ATP9B: variants seen among roughly 807,000 people sequenced by gnomAD.
ATP9B encodes probable phospholipid-transporting ATPase IIB.
ATP9B carries 110 observed loss-of-function variants against 146.1 expected under a neutral mutation model. That is an observed-to-expected ratio of 0.75 (90% CI 0.65 to 0.88). The LOEUF is 0.88. Among genes scored for constraint, ATP9B ranks in the 40% least tolerant of loss-of-function variants. The probability of loss-of-function intolerance (pLI) is 0.00; values close to 1 mark genes in which losing one functional copy is unlikely to be tolerated. For missense variants in ATP9B, 1,499 were observed against 1,496.4 expected, an observed-to-expected ratio of 1.00 and a Z score of -0.03; for synonymous variants, 604 against 569.7, an observed-to-expected ratio of 1.06 and a Z score of -0.86.
At chr18:79,362,959 A>G (rs892240706) in intron 26 of ATP9B, 2 of 152,230 alleles carry the variant, frequency 1.3e-5, no homozygotes, top group East Asian at 1.9e-4. Context: ...TTTGAAATGT[A>G]TATTTGTATA....
chr18:79,134,063 A>G (rs1172606460), intron 5 of ATP9B, among the ~76,000 whole-genome samples: 1 of 152,232 alleles, frequency 6.6e-6, no homozygotes, highest in Non-Finnish European at 1.5e-5. Flanking sequence ...CTTGAGTCGC[A>G]TGTGACTCTC....
At chr18:79,322,483 G>C (rs1393962672) in intron 15 of ATP9B, among the ~76,000 whole-genome samples, 2 of 152,180 alleles carry the variant, frequency 1.3e-5, no homozygotes, top group South Asian at 2.1e-4. Context: ...AGAGGGTTCT[G>C]ACCCGGATTC....
intron 1 of ATP9B, among the ~76,000 whole-genome samples, chr18:79,093,219 A>G (rs929837920): frequency 6.6e-6 from 1 of 152,076 alleles, no homozygotes; most frequent in African/African-American, 2.4e-5. Context: ...TTTACTTTTA[A>G]TCTTTTAAAG....
At position 79,088,659 on chromosome 18, in the gene ATP9B, C is replaced by T. The variant is rs115566812; in HGVS notation, c.120-7817C>T. ...GAAGTGACTGCCATTTCTCCTAACA[C>T]ATTTACTTTCAACAAAGGTCTTCTT... On this transcript the variant is annotated intron_variant, in intron 1 of 29. Coordinates refer to ENST00000426216, the MANE Select transcript of ATP9B (RefSeq NM_198531.5). Among the ~76,000 whole-genome samples the T allele has an allele frequency of 6.7e-3, 1,014 of 152,286 alleles. 11 individuals carry two copies. The highest frequency in any genetic ancestry group is 0.023 in the African/African-American group (972 of 41,554).
intron 6 of ATP9B, among the ~76,000 whole-genome samples, chr18:79,151,385 G>C (rs148366198): frequency 2.0e-5 from 3 of 152,244 alleles, no homozygotes; most frequent in Admixed American, 2.0e-4. Flanking sequence ...GTTGTTGTGT[G>C]GTTGTTACCC....
At chr18:79,220,282 T>C (rs1312340632) in intron 11 of ATP9B, among the ~76,000 whole-genome samples, 1 of 152,210 alleles carries the variant, frequency 6.6e-6, no homozygotes, top group Admixed American at 6.5e-5. Context: ...TTATATAATA[T>C]TTTGGAGAGC....
At chr18:79,163,866 TTA>T (rs1185629627) in intron 7 of ATP9B, among the ~76,000 whole-genome samples, 2 of 78,644 alleles carry the variant, frequency 2.5e-5, no homozygotes, top group Non-Finnish European at 4.6e-5. Context: ...ATATTTTATT[TTA>T]TACACACACA....
chr18:79,367,776 A>G (rs2097043278), intron 26 of ATP9B, among the ~76,000 whole-genome samples: 1 of 152,250 alleles, frequency 6.6e-6, no homozygotes. Context: ...TGTCTCCTCA[A>G]CAAATCCTCC....
chr18:79,332,966 C>G (rs1013142916), intron 17 of ATP9B: 2 of 152,248 alleles, frequency 1.3e-5, no homozygotes, highest in Admixed American at 1.3e-4. Context: ...CAAATACAAT[C>G]AACTGGATGA....
chr18:79,136,923 T>G (rs546755136), intron 5 of ATP9B, among the ~76,000 whole-genome samples: 4 of 152,250 alleles, frequency 2.6e-5, no homozygotes, highest in South Asian at 4.1e-4. Flanking sequence ...GAAAAGCCAC[T>G]TACAAAACCA....
At chr18:79,270,443 C>T (rs2096243742) in intron 12 of ATP9B, among the ~76,000 whole-genome samples, 1 of 152,082 alleles carries the variant, frequency 6.6e-6, no homozygotes, top group Non-Finnish European at 1.5e-5. Flanking sequence ...TTGACTTTAT[C>T]CAATACATAT....
intron 26 of ATP9B, chr18:79,361,873 C>T (rs2147861120): frequency 1.1e-6 from 1 of 874,856 alleles, no homozygotes; most frequent in African/African-American, 1.8e-5. Flanking sequence ...TCCGTCGGCT[C>T]AAGCTCCTGC....
intron 12 of ATP9B, among the ~76,000 whole-genome samples, chr18:79,272,211 G>A (rs1045318093): frequency 1.2e-4 from 18 of 152,110 alleles, no homozygotes; most frequent in African/African-American, 4.3e-4. Context: ...TGTATTTTCT[G>A]TGTCTTAGGA....
At chr18:79,161,926 A>G (rs561524783) in intron 7 of ATP9B, among the ~76,000 whole-genome samples, 76 of 152,332 alleles carry the variant, frequency 5.0e-4, no homozygotes, top group African/African-American at 1.8e-3. Flanking sequence ...GCTATATAAA[A>G]TTTGTGTTAT....
chr18:79,072,691 G>A (rs370586843), intron 1 of ATP9B, among the ~76,000 whole-genome samples: 16 of 144,210 alleles, frequency 1.1e-4, no homozygotes, highest in South Asian at 4.4e-4. Context: ...GGCGGCTGCC[G>A]GGTGGGGGCG....
chr18:79,188,470 G>C (rs2095329898), intron 8 of ATP9B, among the ~76,000 whole-genome samples: 1 of 152,120 alleles, frequency 6.6e-6, no homozygotes, highest in Non-Finnish European at 1.5e-5. Flanking sequence ...AGTGCTTTCA[G>C]ACTTTTCCAC....
At chr18:79,078,982 G>A (rs2072947712) in intron 1 of ATP9B, among the ~76,000 whole-genome samples, 1 of 152,174 alleles carries the variant, frequency 6.6e-6, no homozygotes, top group African/African-American at 2.4e-5. Flanking sequence ...CCACGCAAAG[G>A]ACATGAACTC....
At chr18:79,308,142 C>T (rs1268361027) in intron 15 of ATP9B, among the ~76,000 whole-genome samples, 1 of 152,154 alleles carries the variant, frequency 6.6e-6, no homozygotes, top group East Asian at 1.9e-4. Context: ...GACGCAACTT[C>T]ACACCCACCA....
chr18:79,177,634 T>A (rs4075579), intron 8 of ATP9B, among the ~76,000 whole-genome samples: 38,843 of 152,078 alleles, frequency 0.26, 5,293 homozygotes, highest in East Asian at 0.5. Flanking sequence ...CATGCTCGTG[T>A]GTGTAGAATC....
Sources: allele counts gnomAD v4.1 joint callset (sites outside exome capture counted in the v4.1 genomes callset), GRCh38; gene constraint gnomAD v4.1.1; transcripts MANE v1.5; gene names NCBI Gene and HGNC (gene_info 2026-07-23, HGNC 2026-07-21).